Variants in CELF2 observed in about 807,000 individuals in gnomAD.
CELF2 encodes the protein CUGBP Elav-like family member 2.
In CELF2, 8 loss-of-function variants were observed where a neutral mutation model predicts 62.6. The observed-to-expected ratio is 0.13, with a 90% CI of 0.07 to 0.23. The LOEUF is 0.23. Ranked by LOEUF, CELF2 falls within the 10% of genes least tolerant of loss-of-function variation. The pLI, the probability that CELF2 is intolerant of heterozygous loss-of-function variation, is 1.00. For synonymous variants in CELF2, 258 were observed against 250.0 expected (o/e 1.03, Z -0.30); for missense variants, 333 against 671.0 (o/e 0.50, Z 5.56).
intron 5 of CELF2, among the ~76,000 whole-genome samples, chr10:11,265,311 C>T (rs752603650): frequency 5.9e-5 from 9 of 152,320 alleles, no homozygotes; most frequent in Middle Eastern, 3.4e-3. Context: ...TGACAATAGA[C>T]GTCAGCCTCT....
chr10:10,910,216 T>G (rs944633078), intron 1 of CELF2, among the ~76,000 whole-genome samples: 1 of 152,210 alleles, frequency 6.6e-6, no homozygotes, highest in Non-Finnish European at 1.5e-5. Context: ...ATAATTATTT[T>G]GGTGTGTTTT....
At chr10:11,248,154 G>A (rs555328952) in intron 3 of CELF2, among the ~76,000 whole-genome samples, 5 of 152,302 alleles carry the variant, frequency 3.3e-5, no homozygotes, top group African/African-American at 7.2e-5. Context: ...CTTCCACCCC[G>A]TGGCTCCTGT....
chr10:10,746,609 C>T, the CELF2 span, among the ~76,000 whole-genome samples: 20 of 152,336 alleles, frequency 1.3e-4, no homozygotes, highest in East Asian at 3.7e-3. Context: ...TGACCTCCCT[C>T]TGCTTAAGAC....
rs1216808398 is a variant in CELF2, at chr10:11,302,490, A to G, written c.977-11649A>G. On this transcript the variant is annotated intron_variant, in intron 9 of 12. Coordinates refer to ENST00000633077, the MANE Select transcript of CELF2 (RefSeq NM_001326342.2). This position sits in a 1 kb window ranked among gnomAD's most constrained non-coding sequence, Gnocchi z 5.0. ...CTCCATTAAATGTGTCTGTGGCTGC[A>G]GTGCCCCCAAAGGACAGGATTGGGC... Among the ~76,000 whole-genome samples the G allele has an allele frequency of 6.6e-6, 1 of 152,280 alleles. No individual in the cohort carries two copies.
intron 1 of CELF2, among the ~76,000 whole-genome samples, chr10:10,847,189 GT>G (rs1036269520): frequency 6.6e-6 from 1 of 151,590 alleles, no homozygotes; most frequent in African/African-American, 2.4e-5. Flanking sequence ...TATAATGTAT[GT>G]TTTTTATATA....
At chr10:10,977,044 A>G (rs2051429628) in intron 2 of CELF2, among the ~76,000 whole-genome samples, 1 of 152,164 alleles carries the variant, frequency 6.6e-6, no homozygotes, top group Non-Finnish European at 1.5e-5. Context: ...CTGCTGGTTA[A>G]TATCCTTCTG....
the CELF2 span, among the ~76,000 whole-genome samples, chr10:10,773,865 T>A: frequency 1.8e-4 from 28 of 152,322 alleles, no homozygotes; most frequent in African/African-American, 6.5e-4. Context: ...TAAGCAAACC[T>A]TTGCGATAAA....
intron 1 of CELF2, among the ~76,000 whole-genome samples, chr10:10,867,914 C>T (rs2060487646): frequency 6.6e-6 from 1 of 152,202 alleles, no homozygotes; most frequent in South Asian, 2.1e-4. Context: ...AAATATTTGT[C>T]CCTTTCTTAA....
chr10:10,833,890 G>A (rs1383377278), intron 1 of CELF2, among the ~76,000 whole-genome samples: 2 of 152,302 alleles, frequency 1.3e-5, no homozygotes, highest in Middle Eastern at 3.4e-3. Context: ...CAGTCACTGT[G>A]GAAAACAGTG....
chr10:10,820,873 A>G (rs768276077), intron 1 of CELF2, among the ~76,000 whole-genome samples: 6 of 152,232 alleles, frequency 3.9e-5, no homozygotes, highest in African/African-American at 1.2e-4. Flanking sequence ...CTACAAGTTC[A>G]TTCTGAGAAT....
intron 1 of CELF2, among the ~76,000 whole-genome samples, chr10:11,140,946 TG>T (rs1294826233): frequency 1.3e-5 from 2 of 152,054 alleles, no homozygotes; most frequent in African/African-American, 4.8e-5. Flanking sequence ...GCGCCGGGGG[TG>T]TTGAGGCTAC....
the CELF2 span, among the ~76,000 whole-genome samples, chr10:10,516,917 G>C: frequency 3.3e-5 from 5 of 152,022 alleles, no homozygotes; most frequent in Admixed American, 3.3e-4. Flanking sequence ...CCTGGCCTTA[G>C]AGGGCGGCAC....
chr10:10,975,347 G>A (rs1039796239), intron 2 of CELF2, among the ~76,000 whole-genome samples: 3 of 152,084 alleles, frequency 2.0e-5, no homozygotes, highest in African/African-American at 7.2e-5. Context: ...CAAACTCCTG[G>A]GCTAAAGTGA....
the CELF2 span, among the ~76,000 whole-genome samples, chr10:10,695,724 C>G: frequency 2.0e-5 from 3 of 152,116 alleles, no homozygotes; most frequent in African/African-American, 7.2e-5. Context: ...TCTTTTTTCT[C>G]TAAACTTCCC....
intron 1 of CELF2, among the ~76,000 whole-genome samples, chr10:11,065,139 C>A (rs1323553769): frequency 6.6e-6 from 1 of 152,158 alleles, no homozygotes; most frequent in African/African-American, 2.4e-5. Flanking sequence ...AAGGAGCTCA[C>A]CTTCTGTTAA....
At chr10:11,135,881 C>T (rs934909378) in intron 1 of CELF2, among the ~76,000 whole-genome samples, 2 of 152,316 alleles carry the variant, frequency 1.3e-5, no homozygotes, top group African/African-American at 4.8e-5. Context: ...CAGATTCTAG[C>T]ATCTCACTCT....
Position 11,119,187 on chromosome 10 carries a change from AT to A in CELF2, c.75-46291del, listed in dbSNP as rs34949534. On this transcript the variant is annotated intron_variant, in intron 1 of 12. Transcript: ENST00000633077. ...CGAAGGCAGGAGGGTCTGAAGGCAC[AT>A]TTTTTTTCCCCTTAAACTTTAGACT... is the stretch of plus-strand genomic sequence containing the variant. 1.9e-3 allele frequency among the ~76,000 whole-genome samples: 283 copies of A among 152,216 alleles called. 1 individual carries two copies. The highest frequency in any genetic ancestry group is 6.2e-3 in the African/African-American group (256 of 41,536).
At chr10:11,149,805 C>T (rs2062982917) in intron 1 of CELF2, among the ~76,000 whole-genome samples, 1 of 152,166 alleles carries the variant, frequency 6.6e-6, no homozygotes, top group Non-Finnish European at 1.5e-5. Flanking sequence ...ATTATAAGCC[C>T]ATAATTAGGA....
intron 1 of CELF2, among the ~76,000 whole-genome samples, chr10:11,127,145 T>G (rs2058840641): frequency 6.6e-6 from 1 of 152,110 alleles, no homozygotes; most frequent in East Asian, 1.9e-4. Flanking sequence ...ACATGTGGTG[T>G]TTGGTTTTCT....
Sources: allele counts gnomAD v4.1 joint callset (sites outside exome capture counted in the v4.1 genomes callset), GRCh38; gene constraint gnomAD v4.1.1; non-coding constraint Gnocchi (gnomAD v3.1); transcripts MANE v1.5; gene names NCBI Gene and HGNC (gene_info 2026-07-23, HGNC 2026-07-21).